TTLL11: variants seen among roughly 807,000 people sequenced by gnomAD.
TTLL11 encodes the protein tubulin polyglutamylase TTLL11.
In TTLL11, 42 loss-of-function variants were observed where a neutral mutation model predicts 51.7. The ratio of observed to expected loss-of-function variants is 0.81; its 90% CI spans 0.64 to 1.05. The LOEUF (loss-of-function observed/expected upper bound fraction) is 1.05, where lower values mean the gene tolerates loss of function less well. TTLL11 is among the 50% of genes least tolerant of loss of function. The probability of loss-of-function intolerance (pLI) is 0.00; values close to 1 mark genes in which losing one functional copy is unlikely to be tolerated. For missense variants in TTLL11, 799 were observed against 940.4 expected (o/e 0.85, Z 1.97); for synonymous variants, 381 against 383.5 (o/e 0.99, Z 0.08).
At chr9:122,000,016 A>G (rs1843412234) in intron 3 of TTLL11, among the ~76,000 whole-genome samples, 1 of 152,220 alleles carries the variant, frequency 6.6e-6, no homozygotes, top group Admixed American at 6.5e-5. Flanking sequence ...GTATTAATAC[A>G]TCTTAATACT....
intron 8 of TTLL11, among the ~76,000 whole-genome samples, chr9:121,858,936 G>A (rs549303828): frequency 6.2e-4 from 94 of 152,266 alleles, no homozygotes; most frequent in Non-Finnish European, 1.2e-3. Context: ...CTCACGACCC[G>A]GTGCCTCCCT....
chr9:121,880,384 A>C (rs953610824), intron 6 of TTLL11, among the ~76,000 whole-genome samples: 18 of 152,148 alleles, frequency 1.2e-4, no homozygotes, highest in African/African-American at 4.1e-4. Flanking sequence ...CTAGAAAAAC[A>C]GCCATCTTTC....
At chr9:122,029,227 C>T (rs1323833608) in intron 3 of TTLL11, among the ~76,000 whole-genome samples, 1 of 152,078 alleles carries the variant, frequency 6.6e-6, no homozygotes. Context: ...TCTGTATTTA[C>T]TATAGTATAC....
intron 6 of TTLL11, among the ~76,000 whole-genome samples, chr9:121,878,668 T>A (rs545983521): frequency 2.0e-5 from 3 of 152,216 alleles, no homozygotes; most frequent in Non-Finnish European, 2.9e-5. Flanking sequence ...TTGGGGTCAC[T>A]GCGCCCAGCC....
intron 8 of TTLL11, among the ~76,000 whole-genome samples, chr9:121,823,728 C>A (rs1564258865): frequency 1.3e-5 from 2 of 152,176 alleles, no homozygotes; most frequent in Non-Finnish European, 2.9e-5. Flanking sequence ...ATTTTGCTGT[C>A]TGTAAATTTT....
At chr9:122,035,247 T>C (rs1161565370) in intron 2 of TTLL11, among the ~76,000 whole-genome samples, 2 of 152,190 alleles carry the variant, frequency 1.3e-5, no homozygotes, top group Non-Finnish European at 2.9e-5. Context: ...CCTTTTGAGG[T>C]TGACTGCCCA....
intron 6 of TTLL11, among the ~76,000 whole-genome samples, chr9:121,961,495 C>G (rs938620690): frequency 1.2e-4 from 18 of 152,178 alleles, no homozygotes; most frequent in African/African-American, 2.9e-4. Flanking sequence ...AAATTTACCC[C>G]CAAGAGTCTC....
chr9:122,083,710 T>G (rs948611414), intron 1 of TTLL11, among the ~76,000 whole-genome samples: 4 of 152,190 alleles, frequency 2.6e-5, no homozygotes, highest in African/African-American at 9.7e-5. Context: ...CTTGGGAGGC[T>G]GAGGCAGGAG....
intron 3 of TTLL11, among the ~76,000 whole-genome samples, chr9:122,016,982 G>A (rs1295203089): frequency 2.0e-5 from 3 of 152,134 alleles, no homozygotes; most frequent in African/African-American, 7.2e-5. Flanking sequence ...ACTCGCTTCC[G>A]CCTGGTGCCA....
intron 6 of TTLL11, among the ~76,000 whole-genome samples, chr9:121,909,794 A>C (rs781253825): frequency 1.3e-5 from 2 of 152,170 alleles, no homozygotes; most frequent in Non-Finnish European, 2.9e-5. Context: ...GCAGGTTTCT[A>C]AGTCTTCCAT....
In TTLL11 at chr9:121,821,268, G is replaced by A. The variant is rs775703058; in HGVS notation, c.*1319C>T. On this transcript the variant is annotated 3_prime_UTR_variant, in exon 9 of 9. Transcript: ENST00000321582. The surrounding 1 kb of genome is among the most constrained non-coding windows in gnomAD (Gnocchi z 5.0). ...AGGAGAAAGCTGCAGGAGCTTATTTGGGATGCACCTCTGCCTCCCAGAACC... is the reference window on the plus strand; with the variant it reads ...AGGAGAAAGCTGCAGGAGCTTATTTAGGATGCACCTCTGCCTCCCAGAACC... 2.0e-5 allele frequency among the ~76,000 whole-genome samples: 3 copies of A among 152,082 alleles called. No homozygotes were observed. The highest frequency in any genetic ancestry group is 4.4e-5 in the Non-Finnish European group (3 of 68,012).
chr9:121,896,812 T>C (rs1462161579), intron 6 of TTLL11, among the ~76,000 whole-genome samples: 1 of 152,070 alleles, frequency 6.6e-6, no homozygotes, highest in Admixed American at 6.5e-5. Flanking sequence ...AGCCTGGGAA[T>C]GGGGATCTGT....
chr9:121,933,223 TAC>T (rs1329578521), intron 6 of TTLL11, among the ~76,000 whole-genome samples: 2 of 152,040 alleles, frequency 1.3e-5, no homozygotes, highest in Admixed American at 1.3e-4. Context: ...ATATGGAGCC[TAC>T]GGAAGGGAGA....
intron 1 of TTLL11, among the ~76,000 whole-genome samples, chr9:122,074,446 T>C (rs906945812): frequency 2.0e-5 from 3 of 152,222 alleles, no homozygotes; most frequent in African/African-American, 7.2e-5. Context: ...ACTTGTTGAT[T>C]TAAACTGGGA....
chr9:121,830,191 AAAG>A (rs1836960140), intron 8 of TTLL11, among the ~76,000 whole-genome samples: 1 of 152,244 alleles, frequency 6.6e-6, no homozygotes, highest in Non-Finnish European at 1.5e-5. Flanking sequence ...GGCAAAGAGA[AAAG>A]AGACCCATGG....
chr9:122,068,416 A>G (rs946010827), intron 1 of TTLL11, among the ~76,000 whole-genome samples: 1 of 152,224 alleles, frequency 6.6e-6, no homozygotes, highest in Admixed American at 6.5e-5. Flanking sequence ...TTAAATTGCT[A>G]ATCAATAAAA....
At chr9:122,063,993 T>C (rs540105205) in intron 1 of TTLL11, among the ~76,000 whole-genome samples, 1 of 152,242 alleles carries the variant, frequency 6.6e-6, no homozygotes, top group Non-Finnish European at 1.5e-5. Flanking sequence ...TTTAGTTCAC[T>C]TAATATCAGC....
At chr9:122,071,811 A>G (rs1845737225) in intron 1 of TTLL11, among the ~76,000 whole-genome samples, 1 of 152,226 alleles carries the variant, frequency 6.6e-6, no homozygotes, top group Admixed American at 6.5e-5. Flanking sequence ...CCATTCTGCA[A>G]TAAAGGACTC....
At chr9:121,888,412 AG>A (rs1393593360) in intron 6 of TTLL11, among the ~76,000 whole-genome samples, 1 of 152,222 alleles carries the variant, frequency 6.6e-6, no homozygotes, top group Non-Finnish European at 1.5e-5. Flanking sequence ...TTTAGGGCTC[AG>A]GAAAGAACCC....
Sources: gnomAD v4.1 joint callset for allele counts (sites outside exome capture counted in the v4.1 genomes callset) on GRCh38, gnomAD v4.1.1 for gene constraint, Gnocchi (gnomAD v3.1) non-coding constraint, MANE v1.5 for transcripts, NCBI Gene and HGNC (gene_info 2026-07-23, HGNC 2026-07-21) for gene names.